Variants in ENAH observed in about 807,000 individuals in gnomAD.
ENAH encodes ENAH actin regulator.
In ENAH, 23 loss-of-function variants were observed where a neutral mutation model predicts 78.7. The ratio of observed to expected loss-of-function variants is 0.29; its 90% CI spans 0.21 to 0.41. ENAH has a LOEUF of 0.41. Ranked by LOEUF, ENAH falls within the 10% of genes least tolerant of loss-of-function variation. The pLI, the probability that ENAH is intolerant of heterozygous loss-of-function variation, is 1.00. For synonymous variants in ENAH, 226 were observed against 241.0 expected (o/e 0.94, Z 0.58); for missense variants, 544 against 691.0 (o/e 0.79, Z 2.39).
At chr1:225,570,276 G>C (rs1033717612) in intron 1 of ENAH, among the ~76,000 whole-genome samples, 1 of 152,014 alleles carries the variant, frequency 6.6e-6, no homozygotes, top group African/African-American at 2.4e-5. Context: ...ATGCAACTCA[G>C]TCCTCTTATT....
At chr1:225,642,739 C>T (rs769595074) in intron 1 of ENAH, among the ~76,000 whole-genome samples, 17 of 151,984 alleles carry the variant, frequency 1.1e-4, no homozygotes, top group Non-Finnish European at 2.4e-4. Flanking sequence ...TTAATATCCT[C>T]ATTATTATAA....
In ENAH at chr1:225,551,476, A is replaced by G. The variant is rs558175420; in HGVS notation, c.349+3430T>C. Among the ~76,000 whole-genome samples the G allele has an allele frequency of 9.2e-5, 14 of 152,250 alleles. No homozygotes were observed. In the East Asian group the frequency reaches 2.5e-3, roughly 27 times the overall value. On this transcript the variant is annotated intron_variant, in intron 3 of 13. Coordinates refer to ENST00000366843, the MANE Select transcript of ENAH (RefSeq NM_018212.6). ...AAGAGGAAAGGAAAATTATGTGATT[A>G]TTGGTTTTAGCACAAAACGTGAGCT...
Position 225,519,569 on chromosome 1 carries a change from G to GAAAAA in ENAH, c.435-9_435-5dup. 1 of 1,492,426 alleles carries GAAAAA rather than the reference G, an allele frequency of 6.7e-7. No homozygotes were observed. Among genetic ancestry groups the GAAAAA allele is most frequent in the Admixed American group, 2.2e-5 (1 of 45,128 alleles). The allele number at this position is 1,492,426 out of a possible 1,614,324, so 92.4% of individuals were successfully genotyped here. The stretch of plus-strand genomic sequence containing the variant: ...CCGTTGCTGTTCTTGTAGTTGTCTG[G>GAAAAA]AAAAAAAAAAAAAAAAGTAAAAACA... On this transcript the variant is annotated splice_region_variant and splice_polypyrimidine_tract_variant and intron_variant, in intron 4 of 13. Coordinates refer to ENST00000366843, the MANE Select transcript of ENAH (RefSeq NM_018212.6).
chr1:225,539,282 A>G (rs1465683262), intron 3 of ENAH, among the ~76,000 whole-genome samples: 1 of 152,174 alleles, frequency 6.6e-6, no homozygotes, highest in Non-Finnish European at 1.5e-5. Flanking sequence ...GGGTGGGGCA[A>G]CAAGTATCCC....
intron 11 of ENAH, 98 bp downstream of exon 11, chr1:225,507,853 T>G (rs2096346127): frequency 6.3e-6 from 5 of 790,624 alleles, no homozygotes; most frequent in Non-Finnish European, 9.6e-6. Flanking sequence ...TGGGCTCCTC[T>G]GTATAATTTC....
At chr1:225,614,508 A>G (rs1271019129) in intron 1 of ENAH, among the ~76,000 whole-genome samples, 1 of 152,206 alleles carries the variant, frequency 6.6e-6, no homozygotes, top group Non-Finnish European at 1.5e-5. Flanking sequence ...TTGCTCATCC[A>G]TCTGGAAGCT....
chr1:225,647,774 G>A (rs1430230322), intron 1 of ENAH, among the ~76,000 whole-genome samples: 1 of 152,132 alleles, frequency 6.6e-6, no homozygotes, highest in Non-Finnish European at 1.5e-5. Context: ...CTATAAAAGA[G>A]CAACGCAGTC....
At chr1:225,503,611 T>C (rs373616753) in intron 11 of ENAH, among the ~76,000 whole-genome samples, 7 of 128,318 alleles carry the variant, frequency 5.5e-5, no homozygotes, top group East Asian at 2.2e-4. Context: ...CTTTTCTATG[T>C]ACTAGCAAAT....
At chr1:225,574,503 G>A (rs1480241713) in intron 1 of ENAH, among the ~76,000 whole-genome samples, 1 of 152,052 alleles carries the variant, frequency 6.6e-6, no homozygotes, top group African/African-American at 2.4e-5. Context: ...TTGGGAGGCT[G>A]AGACATGAGA....
In ENAH at chr1:225,501,051, A is replaced by G. The variant is rs751657137; in HGVS notation, c.1558T>C (p.Ser520Pro). The G allele has an allele frequency of 6.2e-7, 1 of 1,614,148 alleles. No homozygotes were observed. The highest frequency in any genetic ancestry group is 1.7e-5 in the Admixed American group (1 of 60,008). Residue 520 changes from serine (S) to proline (P), a missense_variant, in exon 12 of 14, where the codon TCA (serine) becomes CCA (proline). This residue lies in a region of ENAH where 97 missense variants were observed against 124.4 expected (regional missense o/e 0.78). Coordinates refer to ENST00000366843, the MANE Select transcript of ENAH (RefSeq NM_018212.6). Reference sequence around the variant, plus strand: ...TGGACTCCATTGGCACTGGGCTGTGATAAGGGTGTGGATTTTGGTCTGTAT... The same window carrying G: ...TGGACTCCATTGGCACTGGGCTGTGGTAAGGGTGTGGATTTTGGTCTGTAT... Reference protein sequence around the residue: ...VISRPKSTPLSQPSANGVQTE... With the variant: ...VISRPKSTPLPQPSANGVQTE...
Position 225,578,966 on chromosome 1 carries a change from A to G in ENAH, c.6-11552T>C, listed in dbSNP as rs114070964. On this transcript the variant is annotated intron_variant, in intron 1 of 13. Transcript: ENST00000366843. ...AATACTACTAATAATAGTAAAAAAT[A>G]AGGATATGTATATAGTACTTACTAA... 4.3e-3 allele frequency among the ~76,000 whole-genome samples: 657 copies of G among 152,328 alleles called. 1 individual carries two copies. Among genetic ancestry groups the G allele is most frequent in the Middle Eastern group, 0.01 (3 of 294 alleles).
Position 225,496,867 on chromosome 1 carries a change from C to T in ENAH, c.*908G>A, listed in dbSNP as rs2096252033. ...GGACTAGGCCTTGAAAAGGCCACTA[C>T]ATATTAGTGTGACATGCATTACTGT... On this transcript the variant is annotated 3_prime_UTR_variant, in exon 14 of 14. Coordinates refer to ENST00000366843, the MANE Select transcript of ENAH (RefSeq NM_018212.6). 6.7e-6 allele frequency: 1 copy of T among 148,588 alleles called. No homozygotes were observed. The highest frequency in any genetic ancestry group is 6.6e-5 in the Admixed American group (1 of 15,120). 9.2% of individuals were successfully genotyped at this position (148,588 alleles called of 1,614,324 possible). A position where few individuals can be genotyped will look rare whatever the true frequency, so the allele number is the denominator to read the frequency against.
At chr1:225,519,015 G>A (rs1028610529) in intron 5 of ENAH, 183 bp downstream of exon 5, 1 of 981,156 alleles carries the variant, frequency 1.0e-6, no homozygotes, top group South Asian at 1.9e-5. Flanking sequence ...AGCAATAAAA[G>A]CAATACAGAG....
intron 4 of ENAH, among the ~76,000 whole-genome samples, chr1:225,524,988 A>G (rs1324892801): frequency 2.0e-5 from 3 of 151,500 alleles, no homozygotes; most frequent in East Asian, 3.8e-4. Flanking sequence ...AAAATTAAAC[A>G]TAACAGTAGT....
intron 1 of ENAH, among the ~76,000 whole-genome samples, chr1:225,612,851 G>C (rs1057186400): frequency 6.6e-6 from 1 of 151,766 alleles, no homozygotes; most frequent in Admixed American, 6.5e-5. Context: ...AAAAAAAAGG[G>C]GGGGAGGAGG....
chr1:225,513,155 A>T, intron 7 of ENAH, 139 bp from the exon 8 acceptor site: 9 of 713,970 alleles, frequency 1.3e-5, no homozygotes, highest in Non-Finnish European at 1.9e-5. Context: ...TTTAAGAACC[A>T]ATAGATTCTT....
In ENAH at chr1:225,517,177, G is replaced by A; in HGVS notation, c.913+19C>T. 6.7e-7 allele frequency: 1 copy of A among 1,485,896 alleles called. No individual in the cohort carries two copies. Among genetic ancestry groups the A allele is most frequent in the African/African-American group, 1.4e-5 (1 of 70,894 alleles). The allele number at this position is 1,485,896 out of a possible 1,614,324, so 92.0% of individuals were successfully genotyped here. A position where few individuals can be genotyped will look rare whatever the true frequency, so the allele number is the denominator to read the frequency against. On this transcript the variant is annotated intron_variant, in intron 6 of 13. Transcript: ENST00000366843. ...ATTTTCAAGTGATTAGCTGTTAGTA[G>A]CAATAATGAAAGCCTTACCCTGTTG...
chr1:225,500,844 G>A (rs940932743), intron 12 of ENAH, 148 bp downstream of exon 12: 3 of 740,384 alleles, frequency 4.1e-6, no homozygotes, highest in Admixed American at 2.9e-5. Context: ...CAAAAATGCA[G>A]TACTACTAAT....
chr1:225,518,539 A>G (rs1156962558), intron 5 of ENAH, among the ~76,000 whole-genome samples: 1 of 152,172 alleles, frequency 6.6e-6, no homozygotes, highest in East Asian at 1.9e-4. Context: ...CAACCAACCA[A>G]CCACTGTTTA....
Sources: gnomAD v4.1 joint callset for allele counts (sites outside exome capture counted in the v4.1 genomes callset) on GRCh38, gnomAD v4.1.1 for gene constraint, gnomAD v4.1.1 regional missense constraint, MANE v1.5 for transcripts, NCBI Gene and HGNC (gene_info 2026-07-23, HGNC 2026-07-21) for gene names.